NBAS: variants seen among roughly 807,000 people sequenced by gnomAD.
NBAS encodes the protein NAG/BC035112 fusion.
A neutral mutation model predicts 302.5 loss-of-function variants in NBAS; 219 were observed. The observed-to-expected ratio is 0.72, with a 90% CI of 0.65 to 0.81. The LOEUF (loss-of-function observed/expected upper bound fraction) is 0.81, where lower values mean the gene tolerates loss of function less well. Among genes scored for constraint, NBAS ranks in the 30% least tolerant of loss-of-function variants. The pLI is 0.00. For synonymous variants in NBAS, 1,118 were observed against 1,021.6 expected (o/e 1.09, Z -1.80); for missense variants, 2,932 against 2,841.6 (o/e 1.03, Z -0.72).
chr2:15,200,808 T>C (rs886516058), intron 48 of NBAS, among the ~76,000 whole-genome samples: 1 of 152,194 alleles, frequency 6.6e-6, no homozygotes, highest in Non-Finnish European at 1.5e-5. Flanking sequence ...AAGTCACCTA[T>C]TATCAGTAGA....
At chr2:15,406,348 C>G (rs189174685) in intron 25 of NBAS, among the ~76,000 whole-genome samples, 3 of 152,090 alleles carry the variant, frequency 2.0e-5, no homozygotes, top group African/African-American at 7.2e-5. Flanking sequence ...ATAAATGATG[C>G]TGGAACAACT....
chr2:15,227,469 T>C (rs927905087), intron 47 of NBAS, among the ~76,000 whole-genome samples: 2 of 151,574 alleles, frequency 1.3e-5, no homozygotes, highest in Non-Finnish European at 2.9e-5. Flanking sequence ...AAAATATCAA[T>C]GGCACTCTAC....
intron 11 of NBAS, among the ~76,000 whole-genome samples, chr2:15,490,185 A>G (rs191333878): frequency 1.4e-4 from 21 of 152,328 alleles, no homozygotes; most frequent in African/African-American, 4.8e-4. Flanking sequence ...TCACTAAATT[A>G]TATTATCAGC....
the NBAS span, among the ~76,000 whole-genome samples, chr2:14,930,770 G>C: frequency 0.35 from 52,940 of 152,052 alleles, 9,456 homozygotes; most frequent in African/African-American, 0.44. Context: ...TGGATTTTAT[G>C]ATTGACCAAT....
chr2:14,819,963 A>C, the NBAS span, among the ~76,000 whole-genome samples: 2 of 152,242 alleles, frequency 1.3e-5, no homozygotes, highest in Non-Finnish European at 2.9e-5. Context: ...CTACAATGAG[A>C]TATCCTTTCA....
At chr2:15,187,086 G>A (rs1665124774) in intron 49 of NBAS, among the ~76,000 whole-genome samples, 3 of 152,090 alleles carry the variant, frequency 2.0e-5, no homozygotes, top group Admixed American at 1.3e-4. Flanking sequence ...CCAGCAGCAC[G>A]GAGGTAGTAA....
At chr2:15,037,905 G>GCACACAGA in the NBAS span, among the ~76,000 whole-genome samples, 1 of 151,978 alleles carries the variant, frequency 6.6e-6, no homozygotes, top group Non-Finnish European at 1.5e-5. Context: ...ACATGACTTT[G>GCACACAGA]CACACAGACA....
chr2:15,098,575 A>AATATGTTATATATT, the NBAS span, among the ~76,000 whole-genome samples: 441 of 87,700 alleles, frequency 5.0e-3, 17 homozygotes, highest in African/African-American at 0.013. Flanking sequence ...TATTGTATAT[A>AATATGTTATATATT]ATGTATTATA....
the NBAS span, among the ~76,000 whole-genome samples, chr2:15,092,228 A>G: frequency 6.6e-6 from 1 of 152,224 alleles, no homozygotes; most frequent in Non-Finnish European, 1.5e-5. Context: ...AAAAGAAGGT[A>G]CACTTTCAAG....
intron 33 of NBAS, among the ~76,000 whole-genome samples, chr2:15,354,064 G>A (rs538237511): frequency 6.6e-6 from 1 of 152,298 alleles, no homozygotes; most frequent in African/African-American, 2.4e-5. Context: ...CTGCTACTTA[G>A]CACTCCTGTG....
intron 6 of NBAS, among the ~76,000 whole-genome samples, chr2:15,550,323 T>A (rs1202618473): frequency 6.6e-6 from 1 of 152,238 alleles, no homozygotes; most frequent in East Asian, 1.9e-4. Flanking sequence ...AGATAAAATA[T>A]TTATACTGCT....
At chr2:14,873,374 C>T in the NBAS span, among the ~76,000 whole-genome samples, 1 of 152,168 alleles carries the variant, frequency 6.6e-6, no homozygotes, top group African/African-American at 2.4e-5. Context: ...GCCACCACAC[C>T]TGATTAATTT....
the NBAS span, among the ~76,000 whole-genome samples, chr2:15,004,011 A>G: frequency 6.6e-6 from 1 of 152,228 alleles, no homozygotes; most frequent in South Asian, 2.1e-4. Flanking sequence ...GCCGTAAAAA[A>G]ATTGGACATA....
intron 9 of NBAS, among the ~76,000 whole-genome samples, chr2:15,514,247 A>G (rs994057274): frequency 2.0e-5 from 3 of 152,162 alleles, no homozygotes; most frequent in East Asian, 1.9e-4. Flanking sequence ...TTGAAACTGA[A>G]TAACAGGCAC....
At chr2:14,919,711 C>T in the NBAS span, among the ~76,000 whole-genome samples, 6 of 152,188 alleles carry the variant, frequency 3.9e-5, no homozygotes, top group South Asian at 1.0e-3. Context: ...GAGTAGATTC[C>T]ATTTCAAGAA....
At chr2:15,512,575 A>G (rs1222204464) in intron 9 of NBAS, among the ~76,000 whole-genome samples, 1 of 152,180 alleles carries the variant, frequency 6.6e-6, no homozygotes, top group Non-Finnish European at 1.5e-5. Flanking sequence ...GGTGGCCCCG[A>G]AGTAATCACA....
chr2:14,982,808 C>CA, the NBAS span, among the ~76,000 whole-genome samples: 2 of 151,736 alleles, frequency 1.3e-5, no homozygotes, highest in Non-Finnish European at 2.9e-5. Flanking sequence ...AACACGGTTA[C>CA]AAAAAGGTAA....
the NBAS span, among the ~76,000 whole-genome samples, chr2:15,048,420 C>G: frequency 0.05 from 7,607 of 152,330 alleles, 621 homozygotes; most frequent in African/African-American, 0.17. Context: ...GCTCAGCCCC[C>G]AGGCCTCCTC....
rs575551473 is a variant in NBAS, at chr2:15,271,526, T to C, written c.5724+3958A>G. ...GGGTAAATACCTATCTAATTCCAGG[T>C]TGAGTAACACTGGGCAAGGTACCAG... is the stretch of plus-strand genomic sequence containing the variant. On this transcript the variant is annotated intron_variant, in intron 44 of 51. Transcript: ENST00000281513. Among the ~76,000 whole-genome samples the C allele has an allele frequency of 8.5e-5, 13 of 152,252 alleles. No homozygotes were observed. In the South Asian group the frequency reaches 1.5e-3, roughly 17 times the overall value.
Sources: gnomAD v4.1 joint callset for allele counts (sites outside exome capture counted in the v4.1 genomes callset) on GRCh38, gnomAD v4.1.1 for gene constraint, MANE v1.5 for transcripts, NCBI Gene and HGNC (gene_info 2026-07-23, HGNC 2026-07-21) for gene names.